The following ROBO2 variants were observed in gnomAD, a reference collection of about 807,000 sequenced individuals.
ROBO2 encodes the protein roundabout guidance receptor 2.
In ROBO2, 53 loss-of-function variants were observed where a neutral mutation model predicts 160.8. The observed-to-expected ratio is 0.33, with a 90% CI of 0.26 to 0.41. ROBO2 has a LOEUF of 0.41. Ranked by LOEUF, ROBO2 falls within the 10% of genes least tolerant of loss-of-function variation. The probability of loss-of-function intolerance (pLI) is 1.00; values close to 1 mark genes in which losing one functional copy is unlikely to be tolerated. For missense variants in ROBO2, 1,577 were observed against 1,722.4 expected, an observed-to-expected ratio of 0.92 and a Z score of 1.49; for synonymous variants, 664 against 611.7, an observed-to-expected ratio of 1.09 and a Z score of -1.26.
At chr3:76,871,380 C>A (rs1032297684) in intron 2 of ROBO2, among the ~76,000 whole-genome samples, 1 of 151,214 alleles carries the variant, frequency 6.6e-6, no homozygotes, top group African/African-American at 2.4e-5. Flanking sequence ...CGGTGAAACC[C>A]CGTCTCTACT....
chr3:77,267,708 C>T (rs2059224903), intron 2 of ROBO2, among the ~76,000 whole-genome samples: 1 of 152,150 alleles, frequency 6.6e-6, no homozygotes, highest in Non-Finnish European at 1.5e-5. Flanking sequence ...TTTATTGATG[C>T]AGATGGCTAT....
At chr3:77,527,373 G>C (rs1283120267) in intron 6 of ROBO2, 30 bp from the exon 7 acceptor site, 1 of 1,282,832 alleles carries the variant, frequency 7.8e-7, no homozygotes, top group South Asian at 1.2e-5. Flanking sequence ...TCTTTTTTAT[G>C]TTCTCACCAC....
At position 77,151,515 on chromosome 3, in the gene ROBO2, G is replaced by A. The variant is rs2077543506; in HGVS notation, c.388+53175G>A. Among the ~76,000 whole-genome samples the A allele has an allele frequency of 2.6e-5, 4 of 152,062 alleles. No homozygotes were observed. The South Asian group carries it at 8.3e-4, about 31-fold the overall frequency. ...TCTCTCATTCAGATGAATGCTTTGTGAATCTTCTCTTTTTGAATCTGCAGT... is the reference window on the plus strand; with the variant it reads ...TCTCTCATTCAGATGAATGCTTTGTAAATCTTCTCTTTTTGAATCTGCAGT... On this transcript the variant is annotated intron_variant, in intron 2 of 25. Coordinates refer to ENST00000461745, the Ensembl canonical transcript of ROBO2.
At chr3:77,601,885 C>T (rs2094437249) in intron 19 of ROBO2, among the ~76,000 whole-genome samples, 1 of 152,196 alleles carries the variant, frequency 6.6e-6, no homozygotes, top group Non-Finnish European at 1.5e-5. Flanking sequence ...AGTGCTAACA[C>T]TTTCATTGGC....
chr3:76,306,937 C>A (rs1053780277), intron 2 of ROBO2, among the ~76,000 whole-genome samples: 1 of 152,096 alleles, frequency 6.6e-6, no homozygotes, highest in Admixed American at 6.6e-5. Flanking sequence ...CATCATAATG[C>A]AGCCCATTTT....
chr3:75,970,369 T>C (rs992812959), intron 2 of ROBO2, among the ~76,000 whole-genome samples: 12 of 151,522 alleles, frequency 7.9e-5, no homozygotes, highest in African/African-American at 2.9e-4. Flanking sequence ...CAATAAAACC[T>C]GCAACTCATT....
At chr3:76,792,226 C>T (rs543695558) in intron 2 of ROBO2, among the ~76,000 whole-genome samples, 1 of 151,998 alleles carries the variant, frequency 6.6e-6, no homozygotes, top group Admixed American at 6.6e-5. Flanking sequence ...ACAGCACTCT[C>T]ATATGTCATA....
chr3:77,456,771 T>C (rs1022014001), intron 2 of ROBO2, among the ~76,000 whole-genome samples: 5 of 152,182 alleles, frequency 3.3e-5, no homozygotes, highest in African/African-American at 1.2e-4. Context: ...CAGTAGAATA[T>C]ATTCTTAGAA....
chr3:77,387,470 C>G (rs2074259263), intron 2 of ROBO2, among the ~76,000 whole-genome samples: 1 of 152,058 alleles, frequency 6.6e-6, no homozygotes, highest in Non-Finnish European at 1.5e-5. Flanking sequence ...TTGACCTACA[C>G]CCTGGATTTT....
chr3:76,747,808 T>A (rs986385911), intron 2 of ROBO2, among the ~76,000 whole-genome samples: 1 of 152,052 alleles, frequency 6.6e-6, no homozygotes, highest in Non-Finnish European at 1.5e-5. Flanking sequence ...AAAAAATAGT[T>A]GAATTCAAAT....
chr3:76,113,552 A>G (rs1030450927), intron 2 of ROBO2, among the ~76,000 whole-genome samples: 1 of 152,260 alleles, frequency 6.6e-6, no homozygotes, highest in Admixed American at 6.5e-5. Flanking sequence ...CGAACTTAAA[A>G]GGAATTAATA....
At chr3:77,632,825 T>A in intron 23 of ROBO2, 1 of 490,258 alleles carries the variant, frequency 2.0e-6, no homozygotes, top group Non-Finnish European at 3.4e-6. Context: ...TGATGCTAGT[T>A]TTGCAGAGCC....
At chr3:77,304,112 A>G (rs2062890167) in intron 2 of ROBO2, among the ~76,000 whole-genome samples, 1 of 152,178 alleles carries the variant, frequency 6.6e-6, no homozygotes, top group Non-Finnish European at 1.5e-5. Flanking sequence ...ATATGCCGCT[A>G]GTGTCCACTT....
intron 2 of ROBO2, among the ~76,000 whole-genome samples, chr3:76,666,361 A>G (rs781747612): frequency 1.7e-4 from 26 of 152,116 alleles, no homozygotes; most frequent in Non-Finnish European, 3.2e-4. Flanking sequence ...GTTAGGAGAC[A>G]TCAGTTCACC....
In ROBO2 at chr3:76,834,094, C is replaced by CTT. The variant is rs1207763281; in HGVS notation, c.110-263918_110-263917dup. ...TCTTTCTTTCTTTCTTTCTTTCTTT[C>CTT]TTTCTTTCTTTCTTTCTTTCTCTCT... On this transcript the variant is annotated intron_variant, in intron 2 of 26. Coordinates refer to the ROBO2 transcript ENST00000487694. 4.2e-5 allele frequency among the ~76,000 whole-genome samples: 5 copies of CTT among 119,978 alleles called. 1 individual carries two copies. The East Asian group carries it at 1.2e-3, about 29-fold the overall frequency. 78.7% of individuals were successfully genotyped at this position (119,978 alleles called of 152,430 possible). A position where few individuals can be genotyped will look rare whatever the true frequency, so the allele number is the denominator to read the frequency against.
chr3:76,639,176 A>G (rs900655401), intron 2 of ROBO2, among the ~76,000 whole-genome samples: 3 of 152,132 alleles, frequency 2.0e-5, no homozygotes, highest in Admixed American at 1.3e-4. Flanking sequence ...ATATGTGTAT[A>G]TATGTATACA....
intron 2 of ROBO2, among the ~76,000 whole-genome samples, chr3:76,082,926 A>G (rs1485639452): frequency 6.6e-6 from 1 of 152,142 alleles, no homozygotes. Flanking sequence ...CACCATGGGC[A>G]TAGAGTAGAG....
chr3:76,503,659 C>T (rs756782332), intron 2 of ROBO2, among the ~76,000 whole-genome samples: 15 of 152,014 alleles, frequency 9.9e-5, no homozygotes, highest in Non-Finnish European at 2.1e-4. Context: ...CACAGATGAA[C>T]CTGGAACATA....
chr3:76,642,499 T>C (rs1374911799), intron 2 of ROBO2, among the ~76,000 whole-genome samples: 1 of 151,908 alleles, frequency 6.6e-6, no homozygotes, highest in African/African-American at 2.4e-5. Context: ...ATTACAGGCA[T>C]GCGCCACCAC....
Sources: gnomAD v4.1 joint callset for allele counts (sites outside exome capture counted in the v4.1 genomes callset) on GRCh38, gnomAD v4.1.1 for gene constraint, MANE v1.5 for transcripts, NCBI Gene and HGNC (gene_info 2026-07-23, HGNC 2026-07-21) for gene names.